Variants in NTRK2 observed in about 807,000 individuals in gnomAD.
NTRK2 encodes BDNF/NT-3 growth factors receptor.
Under a neutral mutation model 94.5 loss-of-function variants are expected in NTRK2, and 13 were observed. The observed-to-expected ratio is 0.14, with a 90% confidence interval of 0.09 to 0.22. The LOEUF (loss-of-function observed/expected upper bound fraction) is 0.22, where lower values mean the gene tolerates loss of function less well. Ranked by LOEUF, NTRK2 falls within the 10% of genes least tolerant of loss-of-function variation. The pLI is 1.00. For missense variants in NTRK2, 639 were observed against 1,071.2 expected (o/e 0.60, Z 5.63); for synonymous variants, 372 against 407.4 (o/e 0.91, Z 1.05).
At chr9:84,824,159 A>C (rs2073035397) in intron 12 of NTRK2, among the ~76,000 whole-genome samples, 2 of 152,196 alleles carry the variant, frequency 1.3e-5, no homozygotes, top group Admixed American at 1.3e-4. Context: ...CATTAGCTGC[A>C]GGTTGCAACA....
chr9:84,802,550 T>C (rs2070619611), intron 12 of NTRK2, among the ~76,000 whole-genome samples: 1 of 152,226 alleles, frequency 6.6e-6, no homozygotes, highest in South Asian at 2.1e-4. Flanking sequence ...CAGCATGGGC[T>C]TATTCCAAAA....
chr9:84,999,895 T>G (rs1465889891), intron 17 of NTRK2, among the ~76,000 whole-genome samples: 1 of 152,154 alleles, frequency 6.6e-6, no homozygotes, highest in Non-Finnish European at 1.5e-5. Flanking sequence ...TCTGCTCAGG[T>G]TCGCAGTTTC....
At chr9:84,797,750 ATT>A (rs2069690571) in intron 12 of NTRK2, among the ~76,000 whole-genome samples, 1 of 24,666 alleles carries the variant, frequency 4.1e-5, no homozygotes, top group Non-Finnish European at 8.0e-5. Flanking sequence ...TATAATATAT[ATT>A]ATATATACTA....
chr9:84,769,116 G>GTGTA (rs1482372390), intron 12 of NTRK2, among the ~76,000 whole-genome samples: 1 of 152,134 alleles, frequency 6.6e-6, no homozygotes, highest in African/African-American at 2.4e-5. Flanking sequence ...TTGTCGTAGG[G>GTGTA]TGTACTCTGC....
chr9:84,826,627 G>A (rs1215891761), intron 12 of NTRK2, among the ~76,000 whole-genome samples: 1 of 152,126 alleles, frequency 6.6e-6, no homozygotes, highest in East Asian at 1.9e-4. Flanking sequence ...TCCCTGTTTG[G>A]CCCATGATGT....
chr9:84,670,877 C>T lies in NTRK2; in HGVS notation c.129C>T (p.Ile43=). Residue 43 remains isoleucine (I), a synonymous_variant, in exon 2 of 19, where the codon ATC becomes ATT. Transcript: ENST00000277120. ...PTSCKCSASR[I]WCSDPSPGIV... ...CCTGCAAATGCAGTGCCTCTCGGAT[C>T]TGGTGCAGCGACCCTTCTCCTGGCA... 6.2e-7 allele frequency: 1 copy of T among 1,613,572 alleles called. No homozygotes were observed. The highest frequency in any genetic ancestry group is 2.2e-5 in the East Asian group (1 of 44,882).
intron 14 of NTRK2, among the ~76,000 whole-genome samples, chr9:84,913,531 G>A (rs893682771): frequency 6.6e-6 from 1 of 152,094 alleles, no homozygotes; most frequent in Non-Finnish European, 1.5e-5. Flanking sequence ...TCTTGTTCCT[G>A]AACGACATTT....
intron 14 of NTRK2, among the ~76,000 whole-genome samples, chr9:84,921,974 G>T (rs2077580963): frequency 6.6e-6 from 1 of 152,088 alleles, no homozygotes; most frequent in Non-Finnish European, 1.5e-5. Context: ...AGCTTGTTAT[G>T]TGCATGTATT....
chr9:84,922,796 T>A (rs571539178), intron 14 of NTRK2, among the ~76,000 whole-genome samples: 28 of 152,356 alleles, frequency 1.8e-4, no homozygotes, highest in African/African-American at 6.5e-4. Flanking sequence ...CCAAACACAG[T>A]TCTTTTTCCT....
At chr9:84,836,883 A>G (rs544828086) in intron 12 of NTRK2, among the ~76,000 whole-genome samples, 30 of 150,300 alleles carry the variant, frequency 2.0e-4, no homozygotes, top group African/African-American at 7.1e-4. Context: ...GGGTTTTCAG[A>G]ACATCTTGGA....
At chr9:84,983,516 T>A (rs1343016594) in intron 17 of NTRK2, among the ~76,000 whole-genome samples, 2 of 152,224 alleles carry the variant, frequency 1.3e-5, no homozygotes, top group Non-Finnish European at 2.9e-5. Context: ...TTGATTAAAT[T>A]TTTATTTCCC....
At chr9:84,750,856 T>C (rs1012757674) in intron 11 of NTRK2, among the ~76,000 whole-genome samples, 26 of 152,166 alleles carry the variant, frequency 1.7e-4, no homozygotes, top group African/African-American at 6.0e-4. Context: ...AAGATGCACT[T>C]AGAGGAGCAT....
intron 11 of NTRK2, among the ~76,000 whole-genome samples, chr9:84,746,355 G>A (rs2064071492): frequency 6.6e-6 from 1 of 152,076 alleles, no homozygotes. Flanking sequence ...CATATGGTCT[G>A]CAAAGTGGAA....
chr9:84,730,634 G>A (rs2062788272), intron 9 of NTRK2, among the ~76,000 whole-genome samples: 1 of 139,094 alleles, frequency 7.2e-6, no homozygotes, highest in Non-Finnish European at 1.5e-5. Flanking sequence ...CAGCTACTCG[G>A]GGAGGCTGAG....
chr9:84,842,504 TCTGA>T (rs1193978851), intron 12 of NTRK2, among the ~76,000 whole-genome samples: 2 of 152,154 alleles, frequency 1.3e-5, no homozygotes, highest in Non-Finnish European at 2.9e-5. Context: ...CTCACAGGTA[TCTGA>T]CTGCTCCAGG....
At chr9:84,774,257 G>A (rs915091789) in intron 12 of NTRK2, among the ~76,000 whole-genome samples, 13 of 152,186 alleles carry the variant, frequency 8.5e-5, no homozygotes, top group African/African-American at 2.9e-4. Context: ...AGTCAGAAAC[G>A]AGGGCCAATG....
intron 17 of NTRK2, among the ~76,000 whole-genome samples, chr9:84,979,599 T>C (rs1277172406): frequency 1.3e-5 from 2 of 152,172 alleles, no homozygotes; most frequent in African/African-American, 4.8e-5. Flanking sequence ...TGATATAAAT[T>C]GGGTTGATAA....
At chr9:84,812,799 G>C in intron 12 of NTRK2, 1 of 1,040,374 alleles carries the variant, frequency 9.6e-7, no homozygotes, top group Non-Finnish European at 1.2e-6. Context: ...GTACCCAACA[G>C]CTAGAAGGAT....
intron 17 of NTRK2, among the ~76,000 whole-genome samples, chr9:84,992,949 T>TATAA (rs1280913197): frequency 7.3e-5 from 11 of 150,466 alleles, no homozygotes; most frequent in Admixed American, 5.3e-4. Context: ...TATATATATA[T>TATAA]AACGGTTCTC....
Sources: gnomAD v4.1 joint callset for allele counts (sites outside exome capture counted in the v4.1 genomes callset) on GRCh38, gnomAD v4.1.1 for gene constraint, MANE v1.5 for transcripts, NCBI Gene and HGNC (gene_info 2026-07-23, HGNC 2026-07-21) for gene names.